RUNX2: variants seen among roughly 807,000 people sequenced by gnomAD.
The protein encoded by RUNX2 is RUNX family transcription factor 2.
RUNX2 carries 10 observed loss-of-function variants against 51.7 expected under a neutral mutation model. The observed-to-expected ratio is 0.19, with a 90% CI of 0.12 to 0.33. RUNX2 has a LOEUF of 0.33. Ranked by LOEUF, RUNX2 falls within the 10% of genes least tolerant of loss-of-function variation. The pLI is 1.00. For synonymous variants in RUNX2, 276 were observed against 273.6 expected, an observed-to-expected ratio of 1.01 and a Z score of -0.09; for missense variants, 562 against 691.3, an observed-to-expected ratio of 0.81 and a Z score of 2.10.
intron 2 of RUNX2, among the ~76,000 whole-genome samples, chr6:45,389,049 C>T (rs1426627978): frequency 6.6e-6 from 1 of 152,190 alleles, no homozygotes; most frequent in East Asian, 1.9e-4. Context: ...TTAAATTATC[C>T]TCCAACAAAT....
At chr6:45,444,048 G>C (rs1037680927) in intron 5 of RUNX2, among the ~76,000 whole-genome samples, 1 of 152,052 alleles carries the variant, frequency 6.6e-6, no homozygotes, top group Non-Finnish European at 1.5e-5. Context: ...ACGGGATTTT[G>C]CCATGTTGGC....
At chr6:45,415,302 T>A (rs1326229074) in intron 2 of RUNX2, among the ~76,000 whole-genome samples, 2 of 152,162 alleles carry the variant, frequency 1.3e-5, no homozygotes, top group Non-Finnish European at 2.9e-5. Flanking sequence ...AATACAGGAA[T>A]AACAGCATCC....
chr6:45,364,826 T>C (rs1434637898), intron 2 of RUNX2, among the ~76,000 whole-genome samples: 2 of 152,184 alleles, frequency 1.3e-5, no homozygotes, highest in Non-Finnish European at 2.9e-5. Context: ...AGAACTTCCA[T>C]GTGAAAACAT....
At position 45,422,412 on chromosome 6, in the gene RUNX2, C is replaced by G. The variant is rs901536149; in HGVS notation, c.59-181C>G. On this transcript the variant is annotated intron_variant, in intron 2 of 8. Transcript: ENST00000647337. Reference sequence around the variant, plus strand: ...CAGACTCTGTTGGCCCATCAGACTCCGCCCGGCAGTCGGCCTCATCAAACT... The same window carrying G: ...CAGACTCTGTTGGCCCATCAGACTCGGCCCGGCAGTCGGCCTCATCAAACT... The G allele has an allele frequency of 2.8e-4, 179 of 629,564 alleles. No homozygotes were observed. In the Middle Eastern group the frequency reaches 3.8e-3, roughly 13 times the overall value. The allele number at this position is 629,564 out of a possible 1,614,324, so 39.0% of individuals were successfully genotyped here.
chr6:45,508,204 G>A (rs1255999081), intron 6 of RUNX2, among the ~76,000 whole-genome samples: 3 of 149,140 alleles, frequency 2.0e-5, no homozygotes, highest in African/African-American at 7.4e-5. Context: ...ACCCCATATG[G>A]CAGTTCTTAT....
intron 7 of RUNX2, among the ~76,000 whole-genome samples, chr6:45,529,310 G>A (rs996163422): frequency 6.6e-6 from 1 of 152,058 alleles, no homozygotes; most frequent in Non-Finnish European, 1.5e-5. Flanking sequence ...ATCAGGACCT[G>A]GAGAGCACAT....
intron 2 of RUNX2, among the ~76,000 whole-genome samples, chr6:45,339,979 TGAG>T (rs1789419871): frequency 6.6e-6 from 1 of 152,118 alleles, no homozygotes; most frequent in South Asian, 2.1e-4. Context: ...TATTTACAGA[TGAG>T]GAAGCTGAGA....
intron 5 of RUNX2, among the ~76,000 whole-genome samples, chr6:45,478,029 C>T (rs1800004868): frequency 6.6e-6 from 1 of 152,098 alleles, no homozygotes; most frequent in African/African-American, 2.4e-5. Context: ...GCTGTTCCTT[C>T]TGGTTGGAAT....
At chr6:45,534,916 A>T (rs1801984021) in intron 7 of RUNX2, among the ~76,000 whole-genome samples, 1 of 152,232 alleles carries the variant, frequency 6.6e-6, no homozygotes, top group African/African-American at 2.4e-5. Context: ...CACAGCCATA[A>T]AAAAGAAAGA....
At chr6:45,429,919 C>T (rs1798491794) in intron 3 of RUNX2, among the ~76,000 whole-genome samples, 1 of 151,916 alleles carries the variant, frequency 6.6e-6, no homozygotes. Context: ...CATGGTGAAA[C>T]CCCTTCTCTA....
rs56719456 is a variant in RUNX2, at chr6:45,474,373, A to ATGTG, written c.686-17538_686-17535dup. On this transcript the variant is annotated intron_variant, in intron 5 of 8. Transcript: ENST00000647337. Reference sequence around the variant, plus strand: ...GCCACCATATTTTTATGTTTTATATATGTGTGTGTGTGTGTGTGTGTGTGT... The same window carrying ATGTG: ...GCCACCATATTTTTATGTTTTATATATGTGTGTGTGTGTGTGTGTGTGTGTGTGT... 4.5e-3 allele frequency among the ~76,000 whole-genome samples: 672 copies of ATGTG among 149,516 alleles called. 1 individual carries two copies. The highest frequency in any genetic ancestry group is 0.015 in the South Asian group (70 of 4,678).
At chr6:45,400,194 G>A (rs1262608455) in intron 2 of RUNX2, among the ~76,000 whole-genome samples, 1 of 147,710 alleles carries the variant, frequency 6.8e-6, no homozygotes, top group Non-Finnish European at 1.5e-5. Flanking sequence ...AATGAGGGAA[G>A]GAAGGAAGGA....
chr6:45,454,235 C>G lies in RUNX2; in HGVS notation c.685+16184C>G, dbSNP rs558649542. On this transcript the variant is annotated intron_variant, in intron 5 of 8. Coordinates refer to ENST00000647337, the MANE Select transcript of RUNX2 (RefSeq NM_001024630.4). Reference sequence around the variant, plus strand: ...ACCACTCATTCTTGCTGAGGGTCAACCCACTGTCAGATATAGGTGGAGAAG... The same window carrying G: ...ACCACTCATTCTTGCTGAGGGTCAAGCCACTGTCAGATATAGGTGGAGAAG... Among the ~76,000 whole-genome samples, 5 of 152,324 alleles carry G rather than the reference C, an allele frequency of 3.3e-5. No individual in the cohort carries two copies. In the East Asian group the frequency reaches 9.6e-4, roughly 29 times the overall value.
chr6:45,427,008 A>C (rs925134329), intron 3 of RUNX2, among the ~76,000 whole-genome samples: 2 of 152,158 alleles, frequency 1.3e-5, no homozygotes, highest in Admixed American at 6.5e-5. Context: ...CCGTAATATA[A>C]ATTATTATGC....
chr6:45,422,025 C>A (rs1183492171), intron 2 of RUNX2: 2 of 148,620 alleles, frequency 1.3e-5, no homozygotes, highest in East Asian at 3.9e-4. Flanking sequence ...GCGGGGGGAG[C>A]GGCGGCCGCC....
At chr6:45,367,426 G>A (rs1372288767) in intron 2 of RUNX2, among the ~76,000 whole-genome samples, 1 of 150,898 alleles carries the variant, frequency 6.6e-6, no homozygotes, top group Non-Finnish European at 1.5e-5. Flanking sequence ...AAATAACACA[G>A]GAAAAGAAAC....
chr6:45,459,856 C>T (rs957233479), intron 5 of RUNX2, among the ~76,000 whole-genome samples: 4 of 152,212 alleles, frequency 2.6e-5, no homozygotes, highest in East Asian at 1.9e-4. Flanking sequence ...AACATTTGAG[C>T]GGAGGCTTGA....
At chr6:45,505,069 A>G (rs1305824286) in intron 6 of RUNX2, among the ~76,000 whole-genome samples, 1 of 152,212 alleles carries the variant, frequency 6.6e-6, no homozygotes, top group Non-Finnish European at 1.5e-5. Flanking sequence ...ATGCGGGTTC[A>G]GGCTTTGCTC....
In RUNX2 at chr6:45,369,895, C is replaced by A. The variant is rs142162695; in HGVS notation, c.58+41111C>A. Reference sequence around the variant, plus strand: ...AGATCTGGGAGGGAGCTCTGGAGAACTTCCCAACAGAAAGAACAGCAAAGT... The same window carrying A: ...AGATCTGGGAGGGAGCTCTGGAGAAATTCCCAACAGAAAGAACAGCAAAGT... On this transcript the variant is annotated intron_variant, in intron 2 of 8. Transcript: ENST00000647337. 9.1e-3 allele frequency among the ~76,000 whole-genome samples: 1,378 copies of A among 152,246 alleles called. 14 individuals are homozygous for A. The highest frequency in any genetic ancestry group is 0.028 in the South Asian group (136 of 4,822).
Sources: allele counts gnomAD v4.1 joint callset (sites outside exome capture counted in the v4.1 genomes callset), GRCh38; gene constraint gnomAD v4.1.1; transcripts MANE v1.5; gene names NCBI Gene and HGNC (gene_info 2026-07-23, HGNC 2026-07-21).